The following DLG2 variants were observed in gnomAD, a reference collection of about 807,000 sequenced individuals.
The protein encoded by DLG2 is disks large homolog 2.
DLG2 carries 45 observed loss-of-function variants against 132.5 expected under a neutral mutation model. The ratio of observed to expected loss-of-function variants is 0.34; its 90% CI spans 0.27 to 0.44. The LOEUF is 0.44. Ranked by LOEUF, DLG2 falls within the 20% of genes least tolerant of loss-of-function variation. The probability of loss-of-function intolerance (pLI) is 1.00; values close to 1 mark genes in which losing one functional copy is unlikely to be tolerated. For missense variants in DLG2, 1,045 were observed against 1,196.9 expected (o/e 0.87, Z 1.87); for synonymous variants, 424 against 419.6 (o/e 1.01, Z -0.13).
chr11:84,083,144 G>A (rs952720034), intron 10 of DLG2, among the ~76,000 whole-genome samples: 3 of 152,206 alleles, frequency 2.0e-5, no homozygotes, highest in South Asian at 2.1e-4. Context: ...GCTGGGCATG[G>A]TGGCAGGCAC....
chr11:85,216,325 T>TA (rs1412781471), intron 4 of DLG2, among the ~76,000 whole-genome samples: 3 of 152,036 alleles, frequency 2.0e-5, no homozygotes, highest in African/African-American at 7.2e-5. Context: ...AATAGGCCAT[T>TA]TTTTTCATGG....
At chr11:85,515,545 T>C (rs1372962204) in intron 3 of DLG2, among the ~76,000 whole-genome samples, 1 of 152,014 alleles carries the variant, frequency 6.6e-6, no homozygotes, top group Non-Finnish European at 1.5e-5. Context: ...ATCTTAATGC[T>C]TAATTCATAA....
chr11:83,812,185 A>G (rs1166665138), intron 17 of DLG2, among the ~76,000 whole-genome samples: 2 of 152,240 alleles, frequency 1.3e-5, no homozygotes, highest in Middle Eastern at 3.4e-3. Context: ...TACTTCTCCT[A>G]TGAAATTCTC....
chr11:85,062,349 A>G (rs2064243090), intron 6 of DLG2, among the ~76,000 whole-genome samples: 1 of 151,784 alleles, frequency 6.6e-6, no homozygotes, highest in Non-Finnish European at 1.5e-5. Context: ...TCATATAAAA[A>G]TATTTTATTT....
At chr11:85,223,674 C>G (rs1211445635) in intron 4 of DLG2, among the ~76,000 whole-genome samples, 1 of 151,898 alleles carries the variant, frequency 6.6e-6, no homozygotes, top group Non-Finnish European at 1.5e-5. Context: ...AAAAGAAAGT[C>G]TAGAATACAG....
At chr11:85,478,013 T>C (rs1347998885) in intron 3 of DLG2, among the ~76,000 whole-genome samples, 2 of 143,108 alleles carry the variant, frequency 1.4e-5, no homozygotes, top group African/African-American at 2.6e-5. Context: ...ACAATAGCAC[T>C]TTTTTTTTTT....
chr11:84,498,014 A>G (rs931486075), intron 7 of DLG2, among the ~76,000 whole-genome samples: 3 of 152,206 alleles, frequency 2.0e-5, no homozygotes, highest in East Asian at 1.9e-4. Context: ...TGAAAGGGCA[A>G]TAATTTTCTA....
chr11:83,934,461 T>C (rs1038609973), intron 14 of DLG2, among the ~76,000 whole-genome samples: 5 of 152,080 alleles, frequency 3.3e-5, no homozygotes, highest in Non-Finnish European at 7.4e-5. Context: ...CCCTTAAATT[T>C]TGCACCCAAC....
At chr11:84,142,414 T>A (rs1385654905) in intron 9 of DLG2, among the ~76,000 whole-genome samples, 3 of 151,410 alleles carry the variant, frequency 2.0e-5, no homozygotes, top group African/African-American at 4.9e-5. Context: ...AAATTTAAAA[T>A]CCAGGTTGTG....
chr11:85,416,829 A>G (rs2089901958), intron 3 of DLG2, among the ~76,000 whole-genome samples: 1 of 152,222 alleles, frequency 6.6e-6, no homozygotes, highest in South Asian at 2.1e-4. Flanking sequence ...TTATGAGCAT[A>G]AAGAGCTTTT....
intron 5 of DLG2, among the ~76,000 whole-genome samples, chr11:85,148,091 T>C (rs2076981052): frequency 6.6e-6 from 1 of 152,224 alleles, no homozygotes; most frequent in Admixed American, 6.5e-5. Context: ...TCTCATTCCT[T>C]TCTATGGTTG....
intron 6 of DLG2, among the ~76,000 whole-genome samples, chr11:84,541,471 C>T (rs1456389265): frequency 6.6e-6 from 1 of 152,006 alleles, no homozygotes; most frequent in Non-Finnish European, 1.5e-5. Context: ...CAGAAGCATT[C>T]TCTGACTTCA....
intron 6 of DLG2, among the ~76,000 whole-genome samples, chr11:85,020,601 A>C (rs1484568256): frequency 6.6e-6 from 1 of 152,164 alleles, no homozygotes; most frequent in Admixed American, 6.5e-5. Flanking sequence ...TAGGTCTAAC[A>C]TTTAAGTCTT....
At chr11:83,872,626 A>C (rs565680802) in intron 16 of DLG2, among the ~76,000 whole-genome samples, 4 of 152,210 alleles carry the variant, frequency 2.6e-5, no homozygotes, top group Admixed American at 1.3e-4. Flanking sequence ...AGTTCCTCTA[A>C]CTCAAGTGGA....
intron 6 of DLG2, among the ~76,000 whole-genome samples, chr11:84,933,665 T>C (rs533427767): frequency 1.3e-5 from 2 of 152,236 alleles, no homozygotes; most frequent in African/African-American, 4.8e-5. Flanking sequence ...CTCAGCTTGA[T>C]TGTGGTTGCA....
chr11:83,988,715 G>A (rs1470962369), intron 11 of DLG2, among the ~76,000 whole-genome samples: 1 of 152,052 alleles, frequency 6.6e-6, no homozygotes, highest in East Asian at 1.9e-4. Context: ...TGCTACAGCT[G>A]TTCTGCTACA....
chr11:84,389,030 GCCTTTATGT>G (rs1255298171), intron 7 of DLG2, among the ~76,000 whole-genome samples: 1 of 151,964 alleles, frequency 6.6e-6, no homozygotes, highest in Non-Finnish European at 1.5e-5. Flanking sequence ...GCTTCTAAAA[GCCTTTATGT>G]CAACTCCCTG....
intron 4 of DLG2, among the ~76,000 whole-genome samples, chr11:85,223,320 CAACA>C (rs770820531): frequency 2.6e-5 from 4 of 151,930 alleles, no homozygotes; most frequent in African/African-American, 4.8e-5. Context: ...AAAACAAAAA[CAACA>C]AACAAAAACC....
At chr11:84,859,311 A>ATG in intron 6 of DLG2, among the ~76,000 whole-genome samples, 1 of 143,178 alleles carries the variant, frequency 7.0e-6, no homozygotes, top group East Asian at 2.0e-4. Flanking sequence ...ATATATACCT[A>ATG]TATATGTATA....
Sources: allele counts gnomAD v4.1 joint callset (sites outside exome capture counted in the v4.1 genomes callset), GRCh38; gene constraint gnomAD v4.1.1; transcripts MANE v1.5; gene names NCBI Gene and HGNC (gene_info 2026-07-23, HGNC 2026-07-21).